ERBB4: variants seen among roughly 807,000 people sequenced by gnomAD.
ERBB4 encodes receptor tyrosine-protein kinase erbB-4.
A neutral mutation model predicts 158.0 loss-of-function variants in ERBB4; 42 were observed. The ratio of observed to expected loss-of-function variants is 0.27; its 90% confidence interval spans 0.21 to 0.34. The LOEUF (loss-of-function observed/expected upper bound fraction) is 0.34. ERBB4 is among the 10% of genes least tolerant of loss of function. The pLI, the probability that ERBB4 is intolerant of heterozygous loss-of-function variation, is 1.00. For missense variants in ERBB4, 1,333 were observed against 1,624.1 expected (o/e 0.82, Z 3.08); for synonymous variants, 583 against 558.7 (o/e 1.04, Z -0.61).
At chr2:211,820,626 TAAA>T (rs2076974173) in intron 3 of ERBB4, among the ~76,000 whole-genome samples, 1 of 151,638 alleles carries the variant, frequency 6.6e-6, no homozygotes, top group Admixed American at 6.6e-5. Flanking sequence ...AAAGACACAG[TAAA>T]ACAAGAAAAC....
chr2:211,595,206 A>G (rs2125801211), intron 19 of ERBB4, among the ~76,000 whole-genome samples: 1 of 152,344 alleles, frequency 6.6e-6, no homozygotes, highest in South Asian at 2.1e-4. Context: ...ATAGGCATTA[A>G]CTTGCCTAGA....
chr2:212,113,650 C>T (rs191383386), intron 2 of ERBB4, among the ~76,000 whole-genome samples: 47 of 146,426 alleles, frequency 3.2e-4, no homozygotes, highest in African/African-American at 1.2e-3. Flanking sequence ...CTCAGGTATT[C>T]GAGGCAGGTC....
chr2:211,584,260 T>G (rs1465075849), intron 19 of ERBB4, among the ~76,000 whole-genome samples: 1 of 151,888 alleles, frequency 6.6e-6, no homozygotes, highest in Non-Finnish European at 1.5e-5. Flanking sequence ...TAGCACTATT[T>G]TGGGGTATTT....
chr2:212,236,650 TATC>T (rs1447486251), intron 1 of ERBB4, among the ~76,000 whole-genome samples: 1 of 152,218 alleles, frequency 6.6e-6, no homozygotes, highest in African/African-American at 2.4e-5. Flanking sequence ...CAGAACTTGT[TATC>T]AGTCTATTCA....
chr2:212,531,924 T>C (rs1299260709), intron 1 of ERBB4, among the ~76,000 whole-genome samples: 2 of 152,278 alleles, frequency 1.3e-5, no homozygotes, highest in African/African-American at 4.8e-5. Flanking sequence ...AACTTATCAA[T>C]GCAATCAATG....
chr2:211,739,787 A>T (rs1443309858), intron 5 of ERBB4, among the ~76,000 whole-genome samples: 1 of 152,098 alleles, frequency 6.6e-6, no homozygotes, highest in African/African-American at 2.4e-5. Flanking sequence ...CTATTTTATT[A>T]AATGTATTTT....
chr2:211,783,946 A>G (rs1479721961), intron 4 of ERBB4, among the ~76,000 whole-genome samples: 2 of 152,176 alleles, frequency 1.3e-5, no homozygotes, highest in Non-Finnish European at 2.9e-5. Flanking sequence ...AAGGAATGGT[A>G]CCAGCTCCTC....
intron 3 of ERBB4, among the ~76,000 whole-genome samples, chr2:211,816,524 G>A (rs1379990585): frequency 1.7e-5 from 2 of 119,854 alleles, no homozygotes; most frequent in Non-Finnish European, 3.2e-5. Flanking sequence ...CTGGGTGACA[G>A]AGCGAGAGCC....
chr2:211,479,134 G>A (rs187768664), intron 20 of ERBB4, among the ~76,000 whole-genome samples: 53 of 152,170 alleles, frequency 3.5e-4, no homozygotes, highest in Non-Finnish European at 7.4e-4. Context: ...TGGGCCCCAG[G>A]GTCAGAGCTC....
chr2:212,206,589 C>CTTTT (rs5838309), intron 1 of ERBB4, among the ~76,000 whole-genome samples: 9 of 116,448 alleles, frequency 7.7e-5, no homozygotes, highest in Admixed American at 2.4e-4. Context: ...CTGTTCTGTT[C>CTTTT]TTTTTTTTTT....
At chr2:212,472,232 G>A (rs1411571512) in intron 1 of ERBB4, among the ~76,000 whole-genome samples, 1 of 145,454 alleles carries the variant, frequency 6.9e-6, no homozygotes, top group Admixed American at 6.8e-5. Context: ...CTAAAAGGAA[G>A]AGACCCAGGA....
chr2:211,599,753 T>G (rs2068744924), intron 19 of ERBB4, among the ~76,000 whole-genome samples: 1 of 152,162 alleles, frequency 6.6e-6, no homozygotes, highest in South Asian at 2.1e-4. Flanking sequence ...ACATATTATT[T>G]CCTATAAAAC....
At chr2:212,211,193 A>G (rs2082922191) in intron 1 of ERBB4, among the ~76,000 whole-genome samples, 1 of 152,128 alleles carries the variant, frequency 6.6e-6, no homozygotes, top group African/African-American at 2.4e-5. Flanking sequence ...TAATGCTTGC[A>G]CTACTGTAGC....
In ERBB4 at chr2:212,376,818, T is replaced by C. The variant is rs535043993; in HGVS notation, c.82+161631A>G. Among the ~76,000 whole-genome samples the C allele has an allele frequency of 5.3e-5, 8 of 152,170 alleles. No individual in the cohort carries two copies. In the South Asian group the frequency reaches 1.2e-3, roughly 24 times the overall value. ...GGAGATTATCAAGAAGCAAAGCTTA[T>C]ATTTTTATCTTCTAATTTCATTTTT... On this transcript the variant is annotated intron_variant, in intron 1 of 27. Transcript: ENST00000342788.
chr2:212,055,151 C>T (rs1815024), intron 2 of ERBB4, among the ~76,000 whole-genome samples: 124,128 of 152,086 alleles, frequency 0.82, 52,641 homozygotes, highest in East Asian at 1. Flanking sequence ...CCAGGTTATA[C>T]TCCGCACCTG....
At chr2:212,493,896 T>A (rs1019041412) in intron 1 of ERBB4, among the ~76,000 whole-genome samples, 3 of 151,744 alleles carry the variant, frequency 2.0e-5, no homozygotes, top group African/African-American at 7.2e-5. Flanking sequence ...AGCACATTAA[T>A]AAAAACAAAG....
intron 3 of ERBB4, among the ~76,000 whole-genome samples, chr2:211,807,043 T>C (rs992286384): frequency 3.3e-5 from 5 of 151,634 alleles, no homozygotes; most frequent in Non-Finnish European, 7.4e-5. Flanking sequence ...AAATGATAAA[T>C]CAAGAAATAA....
At chr2:212,010,426 T>G (rs950532009) in intron 2 of ERBB4, among the ~76,000 whole-genome samples, 1 of 152,096 alleles carries the variant, frequency 6.6e-6, no homozygotes, top group Non-Finnish European at 1.5e-5. Context: ...AGTTTTCTAT[T>G]AAGGATTTCA....
intron 1 of ERBB4, among the ~76,000 whole-genome samples, chr2:212,323,247 T>C (rs971447263): frequency 2.0e-5 from 3 of 150,714 alleles, no homozygotes; most frequent in Admixed American, 2.0e-4. Flanking sequence ...TTTACTCATT[T>C]AATAATTTTT....
Sources: allele counts gnomAD v4.1 joint callset (sites outside exome capture counted in the v4.1 genomes callset), GRCh38; gene constraint gnomAD v4.1.1; transcripts MANE v1.5; gene names NCBI Gene and HGNC (gene_info 2026-07-23, HGNC 2026-07-21).